SUSD5: variants seen among roughly 807,000 people sequenced by gnomAD.
SUSD5 encodes sushi domain containing 5.
SUSD5 carries 33 observed loss-of-function variants against 29.5 expected under a neutral mutation model. The observed-to-expected ratio is 1.12, with a 90% CI of 0.85 to 1.49. SUSD5 has a LOEUF of 1.49. Ranked by LOEUF, SUSD5 falls within the 40% of genes most tolerant of loss-of-function variation. The probability of loss-of-function intolerance (pLI) is 0.00; values close to 1 mark genes in which losing one functional copy is unlikely to be tolerated. For missense variants in SUSD5, 776 were observed against 800.6 expected (o/e 0.97, Z 0.37); for synonymous variants, 308 against 325.3 (o/e 0.95, Z 0.57).
rs2125611267 is a variant in SUSD5, at chr3:33,151,541, A to C, written c.*1201T>G. Reference sequence around the variant, plus strand: ...ATAACCTGGTGTTCGGCCCTCTGAAAACATTTCTTTTTTTTTTCTCCCGTG... The same window carrying C: ...ATAACCTGGTGTTCGGCCCTCTGAACACATTTCTTTTTTTTTTCTCCCGTG... On this transcript the variant is annotated 3_prime_UTR_variant, in exon 5 of 5. Transcript: ENST00000309558. 6.6e-6 allele frequency: 1 copy of C among 152,144 alleles called. No homozygotes were observed. Among genetic ancestry groups the C allele is most frequent in the East Asian group, 1.9e-4 (1 of 5,186 alleles). The allele number at this position is 152,144 out of a possible 1,614,324, so 9.4% of individuals were successfully genotyped here. A position where few individuals can be genotyped will look rare whatever the true frequency, so the allele number is the denominator to read the frequency against.
At chr3:33,200,385 T>C (rs1228040368) in intron 3 of SUSD5, among the ~76,000 whole-genome samples, 4 of 152,230 alleles carry the variant, frequency 2.6e-5, no homozygotes, top group African/African-American at 7.2e-5. Flanking sequence ...CTGTAACAAA[T>C]ACCTAAAAAT....
chr3:33,186,534 C>T (rs1271584660), intron 3 of SUSD5, among the ~76,000 whole-genome samples: 2 of 151,168 alleles, frequency 1.3e-5, no homozygotes, highest in Non-Finnish European at 2.9e-5. Context: ...TCAAGCGATT[C>T]TCCTGCCTCA....
At chr3:33,189,222 G>C (rs1211397212) in intron 3 of SUSD5, among the ~76,000 whole-genome samples, 1 of 152,180 alleles carries the variant, frequency 6.6e-6, no homozygotes, top group Non-Finnish European at 1.5e-5. Context: ...GCTCACACCT[G>C]TAATCCCAGC....
chr3:33,182,362 T>C (rs2031690376), intron 3 of SUSD5, among the ~76,000 whole-genome samples: 1 of 152,224 alleles, frequency 6.6e-6, no homozygotes, highest in Non-Finnish European at 1.5e-5. Flanking sequence ...TCCTAGCAAA[T>C]GTTCCATGTG....
chr3:33,181,922 T>C (rs2031680514), intron 3 of SUSD5, among the ~76,000 whole-genome samples: 1 of 152,236 alleles, frequency 6.6e-6, no homozygotes, highest in Non-Finnish European at 1.5e-5. Flanking sequence ...AATGCATATC[T>C]CAAAATGTAT....
intron 3 of SUSD5, among the ~76,000 whole-genome samples, chr3:33,185,951 A>T (rs2031767997): frequency 1.2e-5 from 1 of 84,394 alleles, no homozygotes; most frequent in African/African-American, 3.7e-5. Flanking sequence ...TGTTACAATT[A>T]AAAAAAATTC....
In SUSD5 at chr3:33,180,362, T is replaced by TA. The variant is rs974872418; in HGVS notation, c.410-5289dup. On this transcript the variant is annotated intron_variant, in intron 3 of 4. Coordinates refer to ENST00000309558, the MANE Select transcript of SUSD5 (RefSeq NM_015551.2). ...TTTTTAACAATAAAGTTTAAAAAGT[T>TA]AAAAAAAAATTTTTTTGAGACATGG... Among the ~76,000 whole-genome samples the TA allele has an allele frequency of 4.0e-4, 59 of 147,202 alleles. 1 individual carries two copies. The Middle Eastern group carries it at 0.014, about 35-fold the overall frequency.
At chr3:33,180,984 AAATAAT>A (rs1157457774) in intron 3 of SUSD5, among the ~76,000 whole-genome samples, 1 of 150,538 alleles carries the variant, frequency 6.6e-6, no homozygotes, top group Admixed American at 6.6e-5. Context: ...CACACCCAGC[AAATAAT>A]AATAATAATA....
In SUSD5 at chr3:33,153,301, A is replaced by G; in HGVS notation, c.1331T>C (p.Val444Ala). 6.2e-7 allele frequency: 1 copy of G among 1,613,938 alleles called. No homozygotes were observed. Among genetic ancestry groups the G allele is most frequent in the Non-Finnish European group, 8.5e-7 (1 of 1,179,882 alleles). The change falls in exon 5 of 5, where the codon GTG (valine) becomes GCG (alanine). Residue 444 changes from valine (V) to alanine (A), a missense_variant. Coordinates refer to ENST00000309558, the MANE Select transcript of SUSD5 (RefSeq NM_015551.2). ...SSVLPSQMLD[V>A]EALALRPVNA... ...CACGGGTCTGAGCGCCAAAGCTTCC[A>G]CATCTAGCATTTGAGATGGAAGAAC...
rs893451057 is a variant in SUSD5 at position 33,218,143 on chromosome 3, C to T, written c.112+543G>A. On this transcript the variant is annotated intron_variant, in intron 1 of 4. Transcript: ENST00000309558. ...CAGGTACTTTGCTTTATCATTTGTC[C>T]CGTTTTTCCTGTCACTCAGAGACAG... 2.0e-5 allele frequency among the ~76,000 whole-genome samples: 3 copies of T among 152,152 alleles called. No homozygotes were observed. In the East Asian group the frequency reaches 5.8e-4, roughly 29 times the overall value.
At chr3:33,170,899 T>G (rs1366373722) in intron 4 of SUSD5, among the ~76,000 whole-genome samples, 1 of 152,246 alleles carries the variant, frequency 6.6e-6, no homozygotes, top group Non-Finnish European at 1.5e-5. Context: ...TGAAAGGGCC[T>G]GAAAGGTCTC....
intron 1 of SUSD5, among the ~76,000 whole-genome samples, chr3:33,218,427 G>A (rs1559460050): frequency 6.6e-6 from 1 of 152,248 alleles, no homozygotes; most frequent in South Asian, 2.1e-4. Context: ...AGGAAAGCCA[G>A]CGGCGGGACT....
At chr3:33,183,569 T>C (rs1331326486) in intron 3 of SUSD5, among the ~76,000 whole-genome samples, 1 of 152,210 alleles carries the variant, frequency 6.6e-6, no homozygotes, top group Non-Finnish European at 1.5e-5. Flanking sequence ...CCCTGTATCA[T>C]TGGTGTCATT....
intron 3 of SUSD5, among the ~76,000 whole-genome samples, chr3:33,205,988 T>C (rs2125631760): frequency 6.6e-6 from 1 of 152,374 alleles, no homozygotes; most frequent in Admixed American, 6.5e-5. Context: ...ATTTCTTTGA[T>C]ACTACTGACG....
intron 3 of SUSD5, among the ~76,000 whole-genome samples, chr3:33,195,829 A>G (rs2031985233): frequency 1.3e-5 from 2 of 152,128 alleles, no homozygotes; most frequent in Admixed American, 6.5e-5. Context: ...AGAGAACACA[A>G]AAGACTCATG....
At chr3:33,201,435 C>T (rs2032115317) in intron 3 of SUSD5, among the ~76,000 whole-genome samples, 1 of 152,186 alleles carries the variant, frequency 6.6e-6, no homozygotes, top group Non-Finnish European at 1.5e-5. Flanking sequence ...GCTCATGGCC[C>T]CAGGCCACAA....
At chr3:33,158,227 A>G (rs117759217) in intron 4 of SUSD5, among the ~76,000 whole-genome samples, 1,620 of 152,348 alleles carry the variant, frequency 0.011, 64 homozygotes, top group Admixed American at 0.08. Flanking sequence ...GCCCACTTCT[A>G]AATTACACGG....
At position 33,168,686 on chromosome 3, in the gene SUSD5, G is replaced by A. The variant is rs545320176; in HGVS notation, c.598+6200C>T. ...TTTTTTTGAGACAGAATCTCACTCC[G>A]TTGCCCAGGCTGGAGTGCAGTGGGG... On this transcript the variant is annotated intron_variant, in intron 4 of 4. Transcript: ENST00000309558. 34 of 726,594 alleles carry A rather than the reference G, an allele frequency of 4.7e-5. No homozygotes were observed. In the South Asian group the frequency reaches 1.9e-3, roughly 41 times the overall value. 45.0% of individuals were successfully genotyped at this position (726,594 alleles called of 1,614,324 possible). A position where few individuals can be genotyped will look rare whatever the true frequency, so the allele number is the denominator to read the frequency against.
rs1483961664 is a variant in SUSD5, at chr3:33,214,111, T to C, written c.113-6A>G. The stretch of plus-strand genomic sequence containing the variant: ...CTCCAGCACAAAGAACTTTCCTGTG[T>C]GGGAACAAGAACAAACACATGTGGA... On this transcript the variant is annotated splice_polypyrimidine_tract_variant and splice_region_variant and intron_variant, in intron 1 of 4. Coordinates refer to ENST00000309558, the MANE Select transcript of SUSD5 (RefSeq NM_015551.2). 1.3e-6 allele frequency: 2 copies of C among 1,592,356 alleles called. No individual in the cohort carries two copies. Among genetic ancestry groups the C allele is most frequent in the South Asian group, 1.1e-5 (1 of 87,792 alleles).
Sources: allele counts gnomAD v4.1 joint callset (sites outside exome capture counted in the v4.1 genomes callset), GRCh38; gene constraint gnomAD v4.1.1; transcripts MANE v1.5; gene names NCBI Gene and HGNC (gene_info 2026-07-23, HGNC 2026-07-21).